GRK4: variants seen among roughly 807,000 people sequenced by gnomAD.
GRK4 encodes the protein G protein-coupled receptor kinase 2-like.
Under a neutral mutation model 77.9 loss-of-function variants are expected in GRK4, and 73 were observed. That is an observed-to-expected ratio of 0.94 (90% confidence interval 0.78 to 1.14). GRK4 has a LOEUF of 1.14. GRK4 is among the 50% of genes most tolerant of loss of function. The pLI, the probability that GRK4 is intolerant of heterozygous loss-of-function variation, is 0.00. For synonymous variants in GRK4, 257 were observed against 254.4 expected, an observed-to-expected ratio of 1.01 and a Z score of -0.10; for missense variants, 729 against 700.2, an observed-to-expected ratio of 1.04 and a Z score of -0.46.
chr4:2,964,097 C>T lies in GRK4; in HGVS notation c.27C>T (p.Asn9=). MELENIVA[N]SLLLKARQGG... Reference sequence around the variant, plus strand: ...TGGAGCTCGAGAACATCGTGGCCAACTCGCTGCTGCTGAAAGCGCGTCAAG... The same window carrying T: ...TGGAGCTCGAGAACATCGTGGCCAATTCGCTGCTGCTGAAAGCGCGTCAAG... Residue 9 remains asparagine, a synonymous_variant, in exon 1 of 16, where the codon AAC becomes AAT. Coordinates refer to ENST00000398052, the MANE Select transcript of GRK4 (RefSeq NM_182982.3). 1 of 1,608,030 alleles carries T rather than the reference C, an allele frequency of 6.2e-7. No individual in the cohort carries two copies. Among genetic ancestry groups the T allele is most frequent in the Non-Finnish European group, 8.5e-7 (1 of 1,178,772 alleles).
intron 13 of GRK4, 55 bp downstream of exon 13, chr4:3,035,578 G>A (rs1326117116): frequency 6.5e-6 from 10 of 1,530,586 alleles, no homozygotes; most frequent in African/African-American, 2.8e-5. Context: ...CGCACAGCAC[G>A]GTTTTTCTCT....
At chr4:2,999,130 CAG>C (rs1560416648) in intron 4 of GRK4, among the ~76,000 whole-genome samples, 1 of 152,106 alleles carries the variant, frequency 6.6e-6, no homozygotes, top group South Asian at 2.1e-4. Flanking sequence ...TTATAAAGAA[CAG>C]AGATTTATTT....
chr4:2,965,538 G>A (rs746519355), intron 1 of GRK4: 18 of 689,668 alleles, frequency 2.6e-5, no homozygotes, highest in Admixed American at 8.1e-5. Flanking sequence ...AGCAGCCGGC[G>A]ATGCATATTT....
intron 4 of GRK4, among the ~76,000 whole-genome samples, 186 bp downstream of exon 4, chr4:2,992,478 G>A (rs868596534): frequency 1.3e-5 from 2 of 151,992 alleles, no homozygotes; most frequent in South Asian, 2.1e-4. Flanking sequence ...CCAGGAGTTC[G>A]AGATCAGCAT....
At chr4:2,992,844 C>T (rs1312911804) in intron 4 of GRK4, among the ~76,000 whole-genome samples, 2 of 151,820 alleles carry the variant, frequency 1.3e-5, no homozygotes, top group African/African-American at 4.8e-5. Context: ...ATTAGCTAAG[C>T]ATGGTGGCGT....
intron 12 of GRK4, among the ~76,000 whole-genome samples, chr4:3,031,007 G>A (rs1739020829): frequency 1.3e-5 from 2 of 152,196 alleles, no homozygotes; most frequent in South Asian, 4.1e-4. Context: ...GGCAGAGCAG[G>A]TGTGAGAAGT....
chr4:3,001,089 A>ATATATATATATATATATATGTGTG lies in GRK4; in HGVS notation c.340-3141_340-3140insATATATATATATATATATGTGTGT. 7.5e-4 allele frequency among the ~76,000 whole-genome samples: 62 copies of ATATATATATATATATATATGTGTG among 82,428 alleles called. 6 individuals carry two copies. Among genetic ancestry groups the ATATATATATATATATATATGTGTG allele is most frequent in the African/African-American group, 3.3e-3 (56 of 17,214 alleles). 54.1% of individuals were successfully genotyped at this position (82,428 alleles called of 152,430 possible). ...TAAATGAGACTATATATATATATAT[A>ATATATATATATATATATATGTGTG]TGTGTGTGTGTGTGTGTATATATAT... On this transcript the variant is annotated intron_variant, in intron 4 of 15. Coordinates refer to ENST00000398052, the MANE Select transcript of GRK4 (RefSeq NM_182982.3).
intron 15 of GRK4, 41 bp from the exon 16 acceptor site, chr4:3,040,531 C>G (rs16843773): frequency 2.6e-6 from 4 of 1,566,032 alleles, no homozygotes; most frequent in African/African-American, 2.7e-5. Context: ...GTGAAACCTT[C>G]GCATCAGCCG....
At chr4:3,033,893 C>A (rs1206319725) in intron 12 of GRK4, among the ~76,000 whole-genome samples, 1 of 152,186 alleles carries the variant, frequency 6.6e-6, no homozygotes, top group Non-Finnish European at 1.5e-5. Context: ...TCTTCACATC[C>A]GTTTTAAATT....
chr4:2,989,188 A>C (rs1055198200), intron 3 of GRK4, among the ~76,000 whole-genome samples: 1 of 152,112 alleles, frequency 6.6e-6, no homozygotes, highest in Admixed American at 6.6e-5. Flanking sequence ...CTCAAAAAAA[A>C]AGAAAATGTA....
At chr4:2,979,988 G>T (rs1183549242) in intron 1 of GRK4, among the ~76,000 whole-genome samples, 1 of 152,178 alleles carries the variant, frequency 6.6e-6, no homozygotes, top group Non-Finnish European at 1.5e-5. Context: ...TTTCTTGTGG[G>T]GTTATTTTAG....
At chr4:3,001,619 C>T (rs1050032419) in intron 4 of GRK4, among the ~76,000 whole-genome samples, 7 of 152,118 alleles carry the variant, frequency 4.6e-5, no homozygotes, top group South Asian at 4.2e-4. Context: ...CACCCTCCTT[C>T]GCCTCCCAAA....
chr4:3,037,071 ATG>A (rs1740893187), intron 13 of GRK4, among the ~76,000 whole-genome samples: 1 of 75,158 alleles, frequency 1.3e-5, no homozygotes, highest in African/African-American at 5.8e-5. Flanking sequence ...GTGTGTGTGT[ATG>A]TGTGTGTGTA....
intron 3 of GRK4, among the ~76,000 whole-genome samples, chr4:2,991,005 A>G (rs780287577): frequency 2.6e-5 from 4 of 152,126 alleles, no homozygotes; most frequent in African/African-American, 9.7e-5. Flanking sequence ...TGTTTGCCCT[A>G]TTTCTTGCTC....
intron 1 of GRK4, among the ~76,000 whole-genome samples, chr4:2,980,704 C>T (rs977071709): frequency 2.6e-5 from 4 of 152,164 alleles, no homozygotes; most frequent in African/African-American, 4.8e-5. Context: ...GCCACATACC[C>T]GTGAACACAA....
intron 8 of GRK4, among the ~76,000 whole-genome samples, chr4:3,015,810 A>C (rs1734290374): frequency 6.6e-6 from 1 of 151,862 alleles, no homozygotes; most frequent in Non-Finnish European, 1.5e-5. Context: ...TTGGTGGCTC[A>C]TGCCTGTCAT....
intron 5 of GRK4, among the ~76,000 whole-genome samples, chr4:3,006,783 A>T (rs1173395615): frequency 2.0e-5 from 3 of 151,824 alleles, no homozygotes; most frequent in Non-Finnish European, 4.4e-5. Flanking sequence ...AAGAAAAGAG[A>T]TGTTGGCTCC....
chr4:2,977,453 A>T (rs1463230042), intron 1 of GRK4, among the ~76,000 whole-genome samples: 1 of 152,170 alleles, frequency 6.6e-6, no homozygotes, highest in African/African-American at 2.4e-5. Context: ...TTAGGTTAAT[A>T]TTTCCCTCTA....
At chr4:2,983,728 G>C (rs147115048) in intron 1 of GRK4, among the ~76,000 whole-genome samples, 14 of 152,058 alleles carry the variant, frequency 9.2e-5, no homozygotes, top group Non-Finnish European at 1.6e-4. Context: ...CTGTCTCCCT[G>C]TATTAGTCCA....
Sources: gnomAD v4.1 joint callset for allele counts (sites outside exome capture counted in the v4.1 genomes callset) on GRCh38, gnomAD v4.1.1 for gene constraint, MANE v1.5 for transcripts, NCBI Gene and HGNC (gene_info 2026-07-23, HGNC 2026-07-21) for gene names.